The following BIK variants were observed in gnomAD, a reference collection of about 807,000 sequenced individuals.
The protein encoded by BIK is bcl-2-interacting killer.
Under a neutral mutation model 12.1 loss-of-function variants are expected in BIK, and 14 were observed. That is an observed-to-expected ratio of 1.16 (90% CI 0.77 to 1.81). The LOEUF (loss-of-function observed/expected upper bound fraction) is 1.81. BIK is among the 40% of genes most tolerant of loss of function. The pLI, the probability that BIK is intolerant of heterozygous loss-of-function variation, is 0.00. For synonymous variants in BIK, 86 were observed against 92.3 expected, an observed-to-expected ratio of 0.93 and a Z score of 0.39; for missense variants, 215 against 207.9, an observed-to-expected ratio of 1.03 and a Z score of -0.21.
chr22:43,111,903 G>A (rs1406515847), intron 1 of BIK, among the ~76,000 whole-genome samples: 1 of 152,142 alleles, frequency 6.6e-6, no homozygotes, highest in Non-Finnish European at 1.5e-5. Flanking sequence ...TTCAGTCCCA[G>A]GAGGCACAGA....
rs4988393 is a variant in BIK, at chr22:43,119,819, T to C, written c.-7-4197T>C. Reference sequence around the variant, plus strand: ...AGACCCTATCTCTACAGCAATTCTATAAAAATGAGCCAAGTGCAGTGGTAC... The same window carrying C: ...AGACCCTATCTCTACAGCAATTCTACAAAAATGAGCCAAGTGCAGTGGTAC... On this transcript the variant is annotated intron_variant, in intron 1 of 4. Coordinates refer to ENST00000216115, the MANE Select transcript of BIK (RefSeq NM_001197.5). Among the ~76,000 whole-genome samples, 98 of 152,020 alleles carry C rather than the reference T, an allele frequency of 6.4e-4. 1 individual carries two copies. In the East Asian group the frequency reaches 0.017, roughly 26 times the overall value.
At chr22:43,125,421 C>A (rs921449858) in intron 2 of BIK, among the ~76,000 whole-genome samples, 2 of 151,964 alleles carry the variant, frequency 1.3e-5, no homozygotes, top group African/African-American at 4.8e-5. Context: ...AAAACCAGAA[C>A]CGGGCCGGGC....
At chr22:43,127,555 C>T in intron 2 of BIK, 142 bp from the exon 3 acceptor site, 1 of 701,314 alleles carries the variant, frequency 1.4e-6, no homozygotes, top group Admixed American at 2.4e-5. Flanking sequence ...GGGAGGCCCA[C>T]TCACTGCCTG....
chr22:43,128,520 C>T lies in BIK; in HGVS notation c.285C>T (p.Asp95=). Reference sequence around the variant, plus strand: ...GCCTGGGTCTGGCTTTCATCTACGACCAGACTGAGGACATCAGGGATGTTC... The same window carrying T: ...GCCTGGGTCTGGCTTTCATCTACGATCAGACTGAGGACATCAGGGATGTTC... The part of the protein sequence containing the change: ...MHSLGLAFIY[D]QTEDIRDVLR... Residue 95 remains aspartate (D), a synonymous_variant, in exon 4 of 5, where the codon GAC becomes GAT. Transcript: ENST00000216115. The T allele has an allele frequency of 6.2e-7, 1 of 1,613,920 alleles. No individual in the cohort carries two copies. The highest frequency in any genetic ancestry group is 8.5e-7 in the Non-Finnish European group (1 of 1,179,780).
At chr22:43,114,770 G>T (rs571430185) in intron 1 of BIK, among the ~76,000 whole-genome samples, 8 of 152,356 alleles carry the variant, frequency 5.3e-5, no homozygotes, top group African/African-American at 1.9e-4. Context: ...CAGCACGGGT[G>T]TGCGCCTCGC....
chr22:43,120,904 T>C (rs1176161148), intron 1 of BIK, among the ~76,000 whole-genome samples: 2 of 152,130 alleles, frequency 1.3e-5, no homozygotes, highest in Non-Finnish European at 2.9e-5. Context: ...TTTAATAAAT[T>C]AATCCAAAGT....
rs767904962 is a variant in BIK, at chr22:43,129,193, CCT to C, written c.391-17_391-16del. 5.0e-6 allele frequency: 8 copies of C among 1,603,216 alleles called. No individual in the cohort carries two copies. Among genetic ancestry groups the C allele is most frequent in the Middle Eastern group, 2.0e-4 (1 of 4,932 alleles). On this transcript the variant is annotated intron_variant, in intron 4 of 4. Coordinates refer to ENST00000216115, the MANE Select transcript of BIK (RefSeq NM_001197.5). ...GCCGGGGCCTGCCCCGAGCCTGACT[CCT>C]CTGCTTTGCTCCCACAGGTGTCCTG...
intron 1 of BIK, among the ~76,000 whole-genome samples, chr22:43,114,016 G>A (rs1930062465): frequency 6.6e-6 from 1 of 152,202 alleles, no homozygotes; most frequent in African/African-American, 2.4e-5. Context: ...CATAGAATGT[G>A]AGCAAATCAG....
chr22:43,118,876 C>T (rs971265339), intron 1 of BIK, among the ~76,000 whole-genome samples: 3 of 152,024 alleles, frequency 2.0e-5, no homozygotes, highest in African/African-American at 7.2e-5. Context: ...GCAGCCTCGG[C>T]CCTCGAACAC....
chr22:43,126,444 C>T (rs1366516223), intron 2 of BIK, among the ~76,000 whole-genome samples: 1 of 152,076 alleles, frequency 6.6e-6, no homozygotes, highest in Non-Finnish European at 1.5e-5. Flanking sequence ...CTCGGCCTCC[C>T]AAAAAGTGCT....
chr22:43,128,439 C>CT (rs1930365284), intron 3 of BIK, 57 bp from the exon 4 acceptor site: 1 of 1,580,922 alleles, frequency 6.3e-7, no homozygotes, highest in Admixed American at 1.7e-5. Flanking sequence ...TAAGTACAGG[C>CT]TGCCCCTACC....
chr22:43,115,984 G>C (rs114225566), intron 1 of BIK, among the ~76,000 whole-genome samples: 2,363 of 152,094 alleles, frequency 0.016, 79 homozygotes, highest in African/African-American at 0.054. Context: ...TTGAACTCCT[G>C]ACCTTAGTTG....
At chr22:43,115,524 G>T (rs543709243) in intron 1 of BIK, among the ~76,000 whole-genome samples, 1 of 152,008 alleles carries the variant, frequency 6.6e-6, no homozygotes, top group South Asian at 2.1e-4. Flanking sequence ...GTGCAGTGGC[G>T]CGATCTCGGC....
intron 1 of BIK, among the ~76,000 whole-genome samples, chr22:43,116,807 C>T (rs1165715099): frequency 5.9e-5 from 9 of 152,142 alleles, no homozygotes; most frequent in African/African-American, 1.9e-4. Flanking sequence ...GGTGTGGTGG[C>T]GTGCACCTGT....
At position 43,129,597 on chromosome 22, in the gene BIK, G is replaced by C; in HGVS notation, c.*292G>C. 2.1e-6 allele frequency: 1 copy of C among 486,760 alleles called. No homozygotes were observed. The highest frequency in any genetic ancestry group is 3.6e-6 in the Non-Finnish European group (1 of 276,808). 30.2% of individuals were successfully genotyped at this position (486,760 alleles called of 1,614,324 possible). A position where few individuals can be genotyped will look rare whatever the true frequency, so the allele number is the denominator to read the frequency against. ...CACTCCTGCCCCTGCCCACACGGCA[G>C]GTAGCAGGGGGAGTGCTGGTCACAC... On this transcript the variant is annotated 3_prime_UTR_variant, in exon 5 of 5. Coordinates refer to ENST00000216115, the MANE Select transcript of BIK (RefSeq NM_001197.5).
chr22:43,124,096 C>T lies in BIK; in HGVS notation c.74C>T (p.Pro25Leu), dbSNP rs369306278. 48 of 1,614,162 alleles carry T rather than the reference C, an allele frequency of 3.0e-5. 2 individuals are homozygous for T. The highest frequency in any genetic ancestry group is 2.7e-4 in the Admixed American group (16 of 60,020). Reference protein sequence around the residue: ...TLLYEQLLEPPTMEVLGMTDS... With the variant: ...TLLYEQLLEPLTMEVLGMTDS... ...CTGTATGAGCAGCTCCTGGAACCCC[C>T]GACCATGGAGGTTCTTGGCATGACT... The change falls in exon 2 of 5, where the codon CCG (proline) becomes CTG (leucine). Residue 25 changes from proline (P) to leucine (L), a missense_variant. Transcript: ENST00000216115.
At chr22:43,124,717 C>A (rs375601764) in intron 2 of BIK, among the ~76,000 whole-genome samples, 2 of 152,186 alleles carry the variant, frequency 1.3e-5, no homozygotes, top group Non-Finnish European at 1.5e-5. Context: ...CATGGCAAAA[C>A]CCTGTCTCTA....
At chr22:43,126,922 G>A (rs1263867276) in intron 2 of BIK, among the ~76,000 whole-genome samples, 1 of 152,112 alleles carries the variant, frequency 6.6e-6, no homozygotes, top group Non-Finnish European at 1.5e-5. Context: ...TAGGCCCAGG[G>A]CATTGGCAGG....
intron 2 of BIK, among the ~76,000 whole-genome samples, chr22:43,124,708 A>G (rs1930281767): frequency 1.3e-5 from 2 of 152,308 alleles, no homozygotes; most frequent in Admixed American, 1.3e-4. Flanking sequence ...CCTGGCCAAC[A>G]TGGCAAAACC....
Sources: gnomAD v4.1 joint callset for allele counts (sites outside exome capture counted in the v4.1 genomes callset) on GRCh38, gnomAD v4.1.1 for gene constraint, MANE v1.5 for transcripts, NCBI Gene and HGNC (gene_info 2026-07-23, HGNC 2026-07-21) for gene names.